The following SOX5 variants were observed in gnomAD, a reference collection of about 807,000 sequenced individuals.
SOX5 encodes the protein SRY-box transcription factor 5, also known as transcription factor SOX-5.
In SOX5, 9 loss-of-function variants were observed where a neutral mutation model predicts 92.0. The ratio of observed to expected loss-of-function variants is 0.10; its 90% CI spans 0.06 to 0.17. SOX5 has a LOEUF of 0.17. Among genes scored for constraint, SOX5 ranks in the 10% least tolerant of loss-of-function variants. The probability of loss-of-function intolerance (pLI) is 1.00; values close to 1 mark genes in which losing one functional copy is unlikely to be tolerated. For missense variants in SOX5, 642 were observed against 944.5 expected (o/e 0.68, Z 4.20); for synonymous variants, 344 against 336.3 (o/e 1.02, Z -0.25).
At chr12:23,870,936 T>C (rs2096866138) in intron 2 of SOX5, among the ~76,000 whole-genome samples, 1 of 152,168 alleles carries the variant, frequency 6.6e-6, no homozygotes, top group Non-Finnish European at 1.5e-5. Flanking sequence ...TCTTTATAAT[T>C]ATAGGGATCA....
At chr12:23,979,741 A>G (rs1370265766) in intron 4 of SOX5, among the ~76,000 whole-genome samples, 5 of 65,236 alleles carry the variant, frequency 7.7e-5, no homozygotes, top group Non-Finnish European at 1.4e-4. Context: ...TTTTGGAGAC[A>G]GGGCCTTACT....
chr12:23,930,895 C>A (rs975195101), intron 1 of SOX5, among the ~76,000 whole-genome samples: 66 of 151,676 alleles, frequency 4.4e-4, no homozygotes, highest in African/African-American at 1.4e-3. Flanking sequence ...TCAGAAAGAC[C>A]CTCTCTAACA....
intron 3 of SOX5, among the ~76,000 whole-genome samples, chr12:24,259,555 C>T (rs1941777788): frequency 6.6e-6 from 1 of 152,066 alleles, no homozygotes; most frequent in African/African-American, 2.4e-5. Flanking sequence ...ACAATTAACA[C>T]ACTACAAAAT....
chr12:24,289,830 A>T (rs530744988), intron 2 of SOX5, among the ~76,000 whole-genome samples: 1 of 152,312 alleles, frequency 6.6e-6, no homozygotes, highest in South Asian at 2.1e-4. Context: ...TTTGTTTACC[A>T]TCCAGTATCA....
rs140705240 is a variant in SOX5 at position 23,670,736 on chromosome 12, T to C, written c.811-5172A>G. 4.4e-3 allele frequency among the ~76,000 whole-genome samples: 661 copies of C among 151,856 alleles called. 12 individuals carry two copies. The highest frequency in any genetic ancestry group is 0.015 in the African/African-American group (632 of 41,438). ...ATCCAGAAAATTAGAGAGATTGGAA[T>C]TGAGGAAGAAAACTGGAACAAGGTT... On this transcript the variant is annotated intron_variant, in intron 6 of 14. Transcript: ENST00000451604.
intron 8 of SOX5, among the ~76,000 whole-genome samples, chr12:23,623,781 C>G (rs1047513048): frequency 7.9e-5 from 12 of 151,970 alleles, no homozygotes; most frequent in Admixed American, 7.9e-4. Flanking sequence ...GGATAACAAT[C>G]ATAAAAAAAG....
chr12:24,404,016 C>A (rs544616321), intron 1 of SOX5, among the ~76,000 whole-genome samples: 37 of 152,230 alleles, frequency 2.4e-4, no homozygotes, highest in African/African-American at 8.7e-4. Flanking sequence ...ACCTAGGAGG[C>A]ACTAAAGAAT....
intron 1 of SOX5, among the ~76,000 whole-genome samples, chr12:23,899,175 TGAGGCGGGCA>T (rs1456525780): frequency 6.6e-6 from 1 of 152,068 alleles, no homozygotes; most frequent in Non-Finnish European, 1.5e-5. Flanking sequence ...TTTGGGAGGC[TGAGGCGGGCA>T]GATCACATGA....
intron 3 of SOX5, among the ~76,000 whole-genome samples, chr12:23,801,884 A>T (rs2095665635): frequency 6.6e-6 from 1 of 152,114 alleles, no homozygotes; most frequent in Non-Finnish European, 1.5e-5. Flanking sequence ...CTGTTTCTTA[A>T]CAGTCCTATA....
chr12:24,336,564 T>A (rs765758523), intron 2 of SOX5, among the ~76,000 whole-genome samples: 6 of 152,200 alleles, frequency 3.9e-5, no homozygotes, highest in Non-Finnish European at 7.3e-5. Context: ...GACTCAAGCA[T>A]ATCATTCAGG....
intron 4 of SOX5, among the ~76,000 whole-genome samples, chr12:24,136,553 C>T (rs1451557295): frequency 6.6e-6 from 1 of 152,158 alleles, no homozygotes; most frequent in African/African-American, 2.4e-5. Flanking sequence ...CATAGAGATG[C>T]TCTGATGACT....
chr12:23,792,567 G>A (rs1215247005), intron 3 of SOX5, among the ~76,000 whole-genome samples: 1 of 130,628 alleles, frequency 7.7e-6, no homozygotes, highest in Non-Finnish European at 1.6e-5. Flanking sequence ...AGGTTGCAGT[G>A]AGCCGAGATC....
chr12:24,057,779 A>G (rs947892945), intron 4 of SOX5, among the ~76,000 whole-genome samples: 2 of 152,180 alleles, frequency 1.3e-5, no homozygotes, highest in Non-Finnish European at 2.9e-5. Context: ...ACCTTTTTGG[A>G]AAAAGCATGT....
At chr12:23,627,854 A>C (rs2078035706) in intron 8 of SOX5, among the ~76,000 whole-genome samples, 1 of 151,992 alleles carries the variant, frequency 6.6e-6, no homozygotes, top group African/African-American at 2.4e-5. Context: ...AAAACACCTC[A>C]AGTCATGAAA....
intron 4 of SOX5, among the ~76,000 whole-genome samples, chr12:24,108,207 G>A (rs144353647): frequency 1.3e-5 from 2 of 152,084 alleles, no homozygotes; most frequent in African/African-American, 4.8e-5. Context: ...CCTAATTGTC[G>A]AATAATTTCC....
At chr12:24,100,937 A>C (rs1309546456) in intron 4 of SOX5, among the ~76,000 whole-genome samples, 1 of 152,062 alleles carries the variant, frequency 6.6e-6, no homozygotes, top group Non-Finnish European at 1.5e-5. Context: ...ATAAGCATTA[A>C]TATCCACATT....
chr12:24,077,889 T>C (rs1049832045), intron 4 of SOX5, among the ~76,000 whole-genome samples: 1 of 149,724 alleles, frequency 6.7e-6, no homozygotes, highest in African/African-American at 2.4e-5. Flanking sequence ...CAATTCTGAA[T>C]GTTACATTAA....
chr12:23,781,665 A>ACT (rs140301844), intron 3 of SOX5, among the ~76,000 whole-genome samples: 7 of 143,698 alleles, frequency 4.9e-5, no homozygotes, highest in African/African-American at 1.3e-4. Flanking sequence ...AATGTGTTGT[A>ACT]CTCTCTCTCT....
intron 9 of SOX5, among the ~76,000 whole-genome samples, chr12:23,602,539 T>C (rs2074645604): frequency 6.6e-6 from 1 of 152,024 alleles, no homozygotes; most frequent in Admixed American, 6.6e-5. Context: ...AAAGTGAATG[T>C]AGGTGTAAGA....
Sources: allele counts gnomAD v4.1 joint callset (sites outside exome capture counted in the v4.1 genomes callset), GRCh38; gene constraint gnomAD v4.1.1; transcripts MANE v1.5; gene names NCBI Gene and HGNC (gene_info 2026-07-23, HGNC 2026-07-21).